Variants in DAB1 observed in about 807,000 individuals in gnomAD.
DAB1 encodes the protein disabled homolog 1.
DAB1 carries 15 observed loss-of-function variants against 64.6 expected under a neutral mutation model. The ratio of observed to expected loss-of-function variants is 0.23; its 90% confidence interval spans 0.16 to 0.36. The LOEUF (loss-of-function observed/expected upper bound fraction) is 0.36. Among genes scored for constraint, DAB1 ranks in the 10% least tolerant of loss-of-function variants. DAB1 has a pLI of 1.00. For synonymous variants in DAB1, 235 were observed against 251.9 expected, an observed-to-expected ratio of 0.93 and a Z score of 0.64; for missense variants, 596 against 706.7, an observed-to-expected ratio of 0.84 and a Z score of 1.78.
At chr1:58,340,805 G>C (rs1643922764) in intron 4 of DAB1, among the ~76,000 whole-genome samples, 1 of 152,180 alleles carries the variant, frequency 6.6e-6, no homozygotes, top group African/African-American at 2.4e-5. Context: ...TTATCCCAAG[G>C]CTTAGATAAG....
Position 57,488,248 on chromosome 1 carries a change from A to G in DAB1, n.625+161344T>C, listed in dbSNP as rs1255867244. 2.0e-5 allele frequency among the ~76,000 whole-genome samples: 3 copies of G among 152,142 alleles called. No homozygotes were observed. The East Asian group carries it at 5.8e-4, about 29-fold the overall frequency. On this transcript the variant is annotated intron_variant and non_coding_transcript_variant, in intron 7 of 20. Coordinates refer to the DAB1 transcript ENST00000485760. Reference sequence around the variant, plus strand: ...GAAACCCTGTCTCTACTAAAAATACAAAAAATTAGCCGGCATGGTGGCAGG... The same window carrying G: ...GAAACCCTGTCTCTACTAAAAATACGAAAAATTAGCCGGCATGGTGGCAGG...
At chr1:57,425,258 A>T (rs1232280724), upstream of DAB1, among the ~76,000 whole-genome samples, 1 of 152,152 alleles carries the variant, frequency 6.6e-6, no homozygotes, top group Non-Finnish European at 1.5e-5. Flanking sequence ...ACCCTTCCTT[A>T]AAAAGTTTAC....
At chr1:57,460,109 G>A (rs1020002451) in intron 7 of DAB1, among the ~76,000 whole-genome samples, 1 of 152,166 alleles carries the variant, frequency 6.6e-6, no homozygotes, top group Non-Finnish European at 1.5e-5. Flanking sequence ...AAAGGCTAGA[G>A]AGCACCATTA....
At chr1:57,223,850 G>A (rs568389603) in intron 2 of DAB1, among the ~76,000 whole-genome samples, 2 of 152,274 alleles carry the variant, frequency 1.3e-5, no homozygotes, top group South Asian at 4.1e-4. Flanking sequence ...GGTGAGCTGT[G>A]CTACACAGCC....
At chr1:57,587,986 C>A (rs1316215060) in intron 7 of DAB1, among the ~76,000 whole-genome samples, 1 of 152,204 alleles carries the variant, frequency 6.6e-6, no homozygotes, top group African/African-American at 2.4e-5. Context: ...ATCCCTGAAA[C>A]TCCTGAGGCC....
At chr1:58,380,242 AT>A (rs1480336574) in intron 3 of DAB1, among the ~76,000 whole-genome samples, 2 of 152,206 alleles carry the variant, frequency 1.3e-5, no homozygotes, top group South Asian at 4.1e-4. Flanking sequence ...AATTTCCCCC[AT>A]GCTGTTCTCG....
At chr1:57,711,646 T>A (rs780123268) in intron 6 of DAB1, among the ~76,000 whole-genome samples, 1 of 152,166 alleles carries the variant, frequency 6.6e-6, no homozygotes, top group Non-Finnish European at 1.5e-5. Context: ...GAAAGACAGA[T>A]TGGGATAAGC....
rs1270932676 is a variant in DAB1, at chr1:57,010,745, G to A, written c.1618C>T (p.Pro540Ser). 5.0e-6 allele frequency: 8 copies of A among 1,598,584 alleles called. No homozygotes were observed. In the African/African-American group the frequency reaches 1.1e-4, roughly 21 times the overall value. Residue 540 changes from proline (P) to serine (S), a missense_variant, in exon 14 of 15, where the codon CCC becomes TCC. By Grantham distance (74) the Pro-to-Ser change is moderately conservative (BLOSUM62 -1). Transcript: ENST00000371236. ...ASSNSDPFGE[P>S]SGEPSGDNIS... ...TTATCACCACTGGGCTCCCCACTGG[G>A]CTCACCAAATGGATCACTGTTGGAT...
chr1:57,879,421 A>T (rs1644106836), intron 1 of DAB1, among the ~76,000 whole-genome samples: 1 of 152,210 alleles, frequency 6.6e-6, no homozygotes, highest in Non-Finnish European at 1.5e-5. Context: ...ATTAAGTATC[A>T]TAATGAACTT....
chr1:58,020,769 G>A (rs1014166273), intron 5 of DAB1, among the ~76,000 whole-genome samples: 5 of 152,126 alleles, frequency 3.3e-5, no homozygotes, highest in Admixed American at 6.5e-5. Context: ...TTTGGGGGCC[G>A]AAGTGGGCGG....
intron 5 of DAB1, among the ~76,000 whole-genome samples, chr1:58,090,557 T>G (rs549452390): frequency 2.6e-5 from 4 of 152,204 alleles, no homozygotes; most frequent in Non-Finnish European, 4.4e-5. Context: ...TTTCCCTATC[T>G]CCCTTTCTCT....
intron 5 of DAB1, among the ~76,000 whole-genome samples, chr1:57,907,799 C>T (rs1644575843): frequency 1.3e-5 from 2 of 151,396 alleles, no homozygotes; most frequent in Non-Finnish European, 2.9e-5. Context: ...CTGAGAAATG[C>T]GTTGTAGGTG....
chr1:57,481,398 T>G (rs1202842709), intron 7 of DAB1, among the ~76,000 whole-genome samples: 1 of 152,198 alleles, frequency 6.6e-6, no homozygotes, highest in Non-Finnish European at 1.5e-5. Context: ...CTTGTTTGTT[T>G]ACTCCAAGAA....
At chr1:57,397,280 C>G (rs1263798525) in intron 1 of DAB1, among the ~76,000 whole-genome samples, 1 of 152,152 alleles carries the variant, frequency 6.6e-6, no homozygotes, top group East Asian at 1.9e-4. Context: ...TCCACATTTC[C>G]ACATGACAGT....
intron 1 of DAB1, among the ~76,000 whole-genome samples, chr1:57,380,113 G>A (rs534824547): frequency 6.6e-5 from 10 of 152,258 alleles, no homozygotes; most frequent in African/African-American, 2.4e-4. Context: ...CACCTACTTG[G>A]TGTCAGGCGC....
chr1:58,518,518 G>A (rs908755209), intron 2 of DAB1, among the ~76,000 whole-genome samples: 3 of 152,004 alleles, frequency 2.0e-5, no homozygotes, highest in South Asian at 2.1e-4. Flanking sequence ...CAGAAGTTTA[G>A]GTAAAAGATG....
intron 7 of DAB1, among the ~76,000 whole-genome samples, chr1:57,600,078 C>A (rs1524728): frequency 0.43 from 65,822 of 151,932 alleles, 16,249 homozygotes; most frequent in Non-Finnish European, 0.55. Context: ...CCACCTCACC[C>A]CATCACCAGG....
chr1:57,660,546 C>A (rs1346569832), intron 6 of DAB1, among the ~76,000 whole-genome samples: 2 of 152,202 alleles, frequency 1.3e-5, no homozygotes, highest in East Asian at 3.9e-4. Context: ...GAGAGATCAG[C>A]CTAGGTGATT....
chr1:57,679,036 G>T (rs781433850), intron 6 of DAB1, among the ~76,000 whole-genome samples: 53 of 152,182 alleles, frequency 3.5e-4, no homozygotes, highest in Non-Finnish European at 1.8e-4. Flanking sequence ...CTCCCAAAGT[G>T]CTAGGATTAC....
Sources: allele counts gnomAD v4.1 joint callset (sites outside exome capture counted in the v4.1 genomes callset), GRCh38; gene constraint gnomAD v4.1.1; transcripts MANE v1.5; gene names NCBI Gene and HGNC (gene_info 2026-07-23, HGNC 2026-07-21).